The following RFX7 variants were observed in gnomAD, a reference collection of about 807,000 sequenced individuals.
The protein encoded by RFX7 is DNA-binding protein RFX7.
Under a neutral mutation model 111.8 loss-of-function variants are expected in RFX7, and 26 were observed. The ratio of observed to expected loss-of-function variants is 0.23; its 90% CI spans 0.17 to 0.32. The LOEUF (loss-of-function observed/expected upper bound fraction) is 0.32. Ranked by LOEUF, RFX7 falls within the 10% of genes least tolerant of loss-of-function variation. RFX7 has a pLI of 1.00. For missense variants in RFX7, 1,573 were observed against 1,772.9 expected (o/e 0.89, Z 2.02); for synonymous variants, 624 against 624.4 (o/e 1.00, Z 0.01).
chr15:56,220,202 C>G (rs1567050865), intron 2 of RFX7, among the ~76,000 whole-genome samples: 1 of 152,010 alleles, frequency 6.6e-6, no homozygotes. Context: ...TGTTCATATC[C>G]CACTTTTTAA....
chr15:56,168,598 C>T (rs1280337706), intron 3 of RFX7, among the ~76,000 whole-genome samples: 1 of 152,190 alleles, frequency 6.6e-6, no homozygotes, highest in Admixed American at 6.5e-5. Context: ...TCTCATGACA[C>T]ATATGTTGCT....
chr15:56,144,611 T>C (rs1236979457), intron 3 of RFX7, 128 bp from the exon 4 acceptor site: 2 of 324,224 alleles, frequency 6.2e-6, no homozygotes, highest in Non-Finnish European at 1.2e-5. Context: ...TCATCTGTCT[T>C]TTCTCATCAC....
intron 2 of RFX7, among the ~76,000 whole-genome samples, chr15:56,227,718 A>C (rs2043500956): frequency 6.6e-6 from 1 of 152,190 alleles, no homozygotes; most frequent in African/African-American, 2.4e-5. Flanking sequence ...CAATGAATAC[A>C]GTGTTATTAT....
intron 5 of RFX7, among the ~76,000 whole-genome samples, chr15:56,124,219 G>A (rs954270187): frequency 6.6e-6 from 1 of 152,066 alleles, no homozygotes; most frequent in African/African-American, 2.4e-5. Flanking sequence ...TCAGGAGATT[G>A]AGACCATCCT....
At chr15:56,185,412 AT>A (rs1288152208) in intron 2 of RFX7, among the ~76,000 whole-genome samples, 1 of 152,150 alleles carries the variant, frequency 6.6e-6, no homozygotes, top group Admixed American at 6.5e-5. Context: ...ATAGATCTAT[AT>A]TTAATCAAGT....
intron 2 of RFX7, among the ~76,000 whole-genome samples, chr15:56,190,779 G>A (rs1435131854): frequency 6.6e-6 from 1 of 152,086 alleles, no homozygotes; most frequent in Non-Finnish European, 1.5e-5. Context: ...CAGATGGACA[G>A]ACAACTGGAA....
intron 2 of RFX7, among the ~76,000 whole-genome samples, chr15:56,182,587 A>T (rs955189896): frequency 8.5e-5 from 13 of 152,296 alleles, no homozygotes; most frequent in Non-Finnish European, 1.9e-4. Context: ...TTAAATGTTT[A>T]TGTAAATTCC....
intron 3 of RFX7, among the ~76,000 whole-genome samples, chr15:56,160,144 C>G (rs943346169): frequency 9.9e-5 from 15 of 152,074 alleles, no homozygotes; most frequent in Non-Finnish European, 1.6e-4. Context: ...CACTGAGGAG[C>G]TTTCTTGCAA....
intron 2 of RFX7, among the ~76,000 whole-genome samples, chr15:56,221,303 T>A (rs1049361978): frequency 6.6e-6 from 1 of 152,232 alleles, no homozygotes; most frequent in African/African-American, 2.4e-5. Flanking sequence ...ATTCTTCCTA[T>A]ACATGAGCAT....
rs1567055957 is a variant in RFX7, at chr15:56,234,509, T to C, written c.161+8616A>G. 5.9e-5 allele frequency among the ~76,000 whole-genome samples: 9 copies of C among 152,340 alleles called. 1 individual carries two copies. The South Asian group carries it at 1.0e-3, about 18-fold the overall frequency. On this transcript the variant is annotated intron_variant, in intron 2 of 9. Coordinates refer to ENST00000559447, the MANE Select transcript of RFX7 (RefSeq NM_022841.7). ...TAATATGACAGTTAAATTTTGATCA[T>C]AGATTGCTTTGATATATCTTATTAA...
chr15:56,149,010 A>G (rs1387882111), intron 3 of RFX7, among the ~76,000 whole-genome samples: 2 of 151,494 alleles, frequency 1.3e-5, no homozygotes, highest in Admixed American at 6.6e-5. Context: ...GTGAACCCGG[A>G]AGGCGGAGCT....
At chr15:56,117,776 T>A (rs949929840) in intron 5 of RFX7, among the ~76,000 whole-genome samples, 1 of 152,140 alleles carries the variant, frequency 6.6e-6, no homozygotes, top group South Asian at 2.1e-4. Flanking sequence ...GACCTCCAGA[T>A]CCATTCATGT....
At chr15:56,155,281 C>CAAAGGACT (rs2042637295) in intron 3 of RFX7, among the ~76,000 whole-genome samples, 2 of 150,610 alleles carry the variant, frequency 1.3e-5, no homozygotes, top group East Asian at 2.0e-4. Flanking sequence ...GGCATATACC[C>CAAAGGACT]ATAAATCATT....
intron 2 of RFX7, among the ~76,000 whole-genome samples, chr15:56,185,995 G>T (rs777299376): frequency 6.6e-6 from 1 of 152,140 alleles, no homozygotes. Context: ...ATTTCTAAGG[G>T]TTTAATGGTT....
rs2042672238 is a variant in RFX7 at position 56,157,800 on chromosome 15, GA to G, written c.196-13318del. ...TCACCATGTTGGTCGGGCTGGTCTT[GA>G]ACTCCTGACCTCAATGATCTGCCCG... On this transcript the variant is annotated intron_variant, in intron 3 of 9. Coordinates refer to ENST00000559447, the MANE Select transcript of RFX7 (RefSeq NM_022841.7). Among the ~76,000 whole-genome samples the G allele has an allele frequency of 2.0e-5, 3 of 152,132 alleles. No homozygotes were observed. In the South Asian group the frequency reaches 6.2e-4, roughly 31 times the overall value.
At position 56,094,650 on chromosome 15, in the gene RFX7, G is replaced by A. The variant is rs1435880774; in HGVS notation, c.3078C>T (p.Phe1026=). The A allele has an allele frequency of 6.2e-7, 1 of 1,613,836 alleles. No homozygotes were observed. Among genetic ancestry groups the A allele is most frequent in the Non-Finnish European group, 8.5e-7 (1 of 1,179,878 alleles). ...SPVECRNPFA[F]TPISSSMAYH... ...ATGCCATACTGGAGCTTATTGGAGT[G>A]AATGCAAACGGATTCCTGCATTCAA... Residue 1026 remains phenylalanine (F), a synonymous_variant, in exon 10 of 10, where the codon TTC becomes TTT. Transcript: ENST00000559447.
At chr15:56,148,030 A>G (rs1185632912) in intron 3 of RFX7, among the ~76,000 whole-genome samples, 2 of 152,234 alleles carry the variant, frequency 1.3e-5, no homozygotes, top group Non-Finnish European at 2.9e-5. Context: ...AACGGTTTCA[A>G]ATTTAGGCAG....
chr15:56,187,275 A>T (rs1356429657), intron 2 of RFX7, among the ~76,000 whole-genome samples: 7 of 150,916 alleles, frequency 4.6e-5, no homozygotes, highest in Non-Finnish European at 8.8e-5. Flanking sequence ...CAGAGGCACG[A>T]TCTCAGCTCA....
chr15:56,158,543 G>T (rs58074377), intron 3 of RFX7, among the ~76,000 whole-genome samples: 2 of 152,130 alleles, frequency 1.3e-5, no homozygotes, highest in African/African-American at 4.8e-5. Flanking sequence ...TGTCACCCAG[G>T]CTGGAGGGCA....
Sources: gnomAD v4.1 joint callset for allele counts (sites outside exome capture counted in the v4.1 genomes callset) on GRCh38, gnomAD v4.1.1 for gene constraint, MANE v1.5 for transcripts, NCBI Gene and HGNC (gene_info 2026-07-23, HGNC 2026-07-21) for gene names.